Variants in OR51G1 observed in about 807,000 individuals in gnomAD.
OR51G1 encodes the protein olfactory receptor family 51 subfamily G member 1, also known as olfactory receptor 51G1.
For missense variants in OR51G1, 454 were observed against 396.0 expected, an observed-to-expected ratio of 1.15 and a Z score of -1.24; for synonymous variants, 163 against 156.9, an observed-to-expected ratio of 1.04 and a Z score of -0.29.
Position 4,923,785 on chromosome 11 carries a change from C to G in OR51G1, c.555G>C (p.Glu185Asp). ...VLAHAYCLHL[E>D]IMKLACSSII... ...TGCTAGAGCAGGCCAGCTTCATGATCTCCAGGTGAAGACAATAAGCATGAG... is the reference window on the plus strand; with the variant it reads ...TGCTAGAGCAGGCCAGCTTCATGATGTCCAGGTGAAGACAATAAGCATGAG... Residue 185 changes from glutamate to aspartate, a missense_variant, in exon 1 of 1, where the codon GAG becomes GAC. Transcript: ENST00000623849. 6.2e-7 allele frequency: 1 copy of G among 1,614,046 alleles called. No homozygotes were observed. The highest frequency in any genetic ancestry group is 8.5e-7 in the Non-Finnish European group (1 of 1,180,018).
chr11:4,924,293 A>C lies in OR51G1; in HGVS notation c.47T>G (p.Leu16Arg), dbSNP rs1374270694. 1 of 1,613,278 alleles carries C rather than the reference A, an allele frequency of 6.2e-7. No homozygotes were observed. Among genetic ancestry groups the C allele is most frequent in the African/African-American group, 1.3e-5 (1 of 74,908 alleles). Residue 16 changes from leucine (L) to arginine (R), a missense_variant, in exon 1 of 1, where the codon CTG becomes CGG. Coordinates refer to ENST00000623849, the MANE Select transcript of OR51G1 (RefSeq NM_001005237.1). ...ACCTTCTAGACCTTGGAAGCCCGTC[A>C]GGAAGAAAGTGGCTCTTTGGAGGCT... The part of the protein sequence containing the change: ...NSSLQRATFF[L>R]TGFQGLEGLH...
chr11:4,923,648 G>T lies in OR51G1; in HGVS notation c.692C>A (p.Ala231Asp). ...ALILRTVLSI[A>D]SHQERLRALN... ...GGCTCGGAGTCGCTCCTGGTGGGAG[G>T]CAATGCTGAGCACGGTGCGAAGGAT... is the stretch of plus-strand genomic sequence containing the variant. The change falls in exon 1 of 1, where the codon GCC (alanine) becomes GAC (aspartate). Residue 231 changes from alanine to aspartate, a missense_variant. By Grantham distance (126) the Ala-to-Asp change is moderately radical. Transcript: ENST00000623849. The T allele has an allele frequency of 6.2e-7, 1 of 1,614,000 alleles. No homozygotes were observed. Among genetic ancestry groups the T allele is most frequent in the South Asian group, 1.1e-5 (1 of 91,074 alleles).
At position 4,924,306 on chromosome 11, in the gene OR51G1, C is replaced by A. The variant is rs1463077892; in HGVS notation, c.34G>T (p.Ala12Ser). 2 of 1,611,928 alleles carry A rather than the reference C, an allele frequency of 1.2e-6. No homozygotes were observed. Among genetic ancestry groups the A allele is most frequent in the African/African-American group, 2.7e-5 (2 of 74,794 alleles). ...TGGAAGCCCGTCAGGAAGAAAGTGG[C>A]TCTTTGGAGGCTGCTATTAAGAAGA... Reference protein sequence around the residue: ...TILLNSSLQRATFFLTGFQGL... With the variant: ...TILLNSSLQRSTFFLTGFQGL... Residue 12 changes from alanine (A) to serine (S), a missense_variant, in exon 1 of 1, where the codon GCC becomes TCC. Transcript: ENST00000623849.
rs1851218060 is a variant in OR51G1 at position 4,923,575 on chromosome 11, G to T, written c.765C>A (p.Ile255=). The T allele has an allele frequency of 1.2e-6, 2 of 1,614,142 alleles. No individual in the cohort carries two copies. The highest frequency in any genetic ancestry group is 1.7e-5 in the Admixed American group (1 of 60,020). The change falls in exon 1 of 1, where the codon ATC becomes ATA. Residue 255 remains isoleucine (I), a synonymous_variant. Coordinates refer to ENST00000623849, the MANE Select transcript of OR51G1 (RefSeq NM_001005237.1). ...GCACAAGAGACAAGCCAATCATGGG[G>T]ATGTAGAAGAGCAGTACAGCACAGA... ...SHICAVLLFY[I]PMIGLSLVHR...
rs779307243 is a variant in OR51G1 at position 4,924,189 on chromosome 11, T to C, written c.151A>G (p.Ile51Val). The C allele has an allele frequency of 6.2e-7, 1 of 1,614,082 alleles. No individual in the cohort carries two copies. The highest frequency in any genetic ancestry group is 8.5e-7 in the Non-Finnish European group (1 of 1,180,018). ...ILGNLTILHV[I>V]CTDATLHGPM... ...CCATGGAGAGTGGCATCAGTACAAA[T>C]GACGTGGAGAATGGTGAGGTTCCCC... is the stretch of plus-strand genomic sequence containing the variant. The change falls in exon 1 of 1, where the codon ATT becomes GTT. Residue 51 changes from isoleucine (I) to valine (V), a missense_variant. Coordinates refer to ENST00000623849, the MANE Select transcript of OR51G1 (RefSeq NM_001005237.1).
rs1851230855 is a variant in OR51G1, at chr11:4,924,075, A to G, written c.265T>C (p.Phe89Leu). 1 of 1,614,184 alleles carries G rather than the reference A, an allele frequency of 6.2e-7. No individual in the cohort carries two copies. The highest frequency in any genetic ancestry group is 1.1e-5 in the South Asian group (1 of 91,076). The change falls in exon 1 of 1, where the codon TTT becomes CTT. Residue 89 changes from phenylalanine (F) to leucine (L), a missense_variant. By Grantham distance (22) the Phe-to-Leu change is conservative. Transcript: ENST00000623849. ...TLPTVLGIFW[F>L]DTREIGIPAC... ...GGGATGCCAATCTCTCTGGTATCAA[A>G]CCAGAAAATGCCCAGCACAGTGGGC...
chr11:4,923,833 T>C lies in OR51G1; in HGVS notation c.507A>G (p.Gln169=), dbSNP rs775129616. Residue 169 remains glutamine, a synonymous_variant, in exon 1 of 1, where the codon CAA becomes CAG. Coordinates refer to ENST00000623849, the MANE Select transcript of OR51G1 (RefSeq NM_001005237.1). ...GAGCCAGCACATGGGAGTGGCAGTA[T>C]TGGAAGCGCTTCAGGAGGAATGGCA... ...LPLPFLLKRF[Q]YCHSHVLAHA... 1.9e-6 allele frequency: 3 copies of C among 1,613,802 alleles called. No homozygotes were observed. The Admixed American group carries it at 5.0e-5, about 27-fold the overall frequency.
rs746111031 is a variant in OR51G1, at chr11:4,923,533, A to G, written c.807T>C (p.His269=). ...GLSLVHRFGE[H]LPRVVHLFMS... is the part of the protein sequence containing the mutation. ...TGAAGAGGTGTACAACGCGGGGCAG[A>G]TGTTCACCAAAGCGATGCACAAGAG... Residue 269 remains histidine (H), a synonymous_variant, in exon 1 of 1, where the codon CAT becomes CAC. Transcript: ENST00000623849. 1.9e-6 allele frequency: 3 copies of G among 1,614,182 alleles called. No homozygotes were observed. Among genetic ancestry groups the G allele is most frequent in the Non-Finnish European group, 1.7e-6 (2 of 1,180,024 alleles).
chr11:4,923,450 T>G lies in OR51G1; in HGVS notation c.890A>C (p.Lys297Thr). 1 of 1,611,014 alleles carries G rather than the reference T, an allele frequency of 6.2e-7. No individual in the cohort carries two copies. The highest frequency in any genetic ancestry group is 8.5e-7 in the Non-Finnish European group (1 of 1,178,064). Residue 297 changes from lysine to threonine, a missense_variant, in exon 1 of 1, where the codon AAG becomes ACG. Transcript: ENST00000623849. ...PLMNPIIYSIKTKQIRQRIIK... is the reference protein window; with the variant it reads ...PLMNPIIYSITTKQIRQRIIK... Reference sequence around the variant, plus strand: ...GATGCGCTGGCGAATTTGCTTGGTCTTGATGCTGTAGATGATGGGGTTCAT... The same window carrying G: ...GATGCGCTGGCGAATTTGCTTGGTCGTGATGCTGTAGATGATGGGGTTCAT...
In OR51G1 at chr11:4,924,181, A is replaced by G; in HGVS notation, c.159T>C (p.Thr53=). 1 of 1,614,226 alleles carries G rather than the reference A, an allele frequency of 6.2e-7. No homozygotes were observed. The highest frequency in any genetic ancestry group is 8.5e-7 in the Non-Finnish European group (1 of 1,180,036). Residue 53 remains threonine (T), a synonymous_variant, in exon 1 of 1, where the codon ACT becomes ACC. Coordinates refer to ENST00000623849, the MANE Select transcript of OR51G1 (RefSeq NM_001005237.1). ...GNLTILHVIC[T]DATLHGPMYY... ...ACATGGGTCCATGGAGAGTGGCATC[A>G]GTACAAATGACGTGGAGAATGGTGA...
chr11:4,923,710 A>G lies in OR51G1; in HGVS notation c.630T>C (p.Gly210=). The change falls in exon 1 of 1, where the codon GGT becomes GGC. Residue 210 remains glycine, a synonymous_variant. Coordinates refer to ENST00000623849, the MANE Select transcript of OR51G1 (RefSeq NM_001005237.1). ...YGLFVVACTV[G]VDSLLIFLSY... ...AGAGAAAGATGAGCAGGGAGTCCAC[A>G]CCCACGGTGCAGGCCACAACAAAGA... 1 of 1,614,048 alleles carries G rather than the reference A, an allele frequency of 6.2e-7. No homozygotes were observed. Among genetic ancestry groups the G allele is most frequent in the Non-Finnish European group, 8.5e-7 (1 of 1,180,002 alleles).
In OR51G1 at chr11:4,923,427, T is replaced by C. The variant is rs1262046095; in HGVS notation, c.913A>G (p.Ile305Val). Residue 305 changes from isoleucine to valine, a missense_variant, in exon 1 of 1, where the codon ATC becomes GTC. Coordinates refer to ENST00000623849, the MANE Select transcript of OR51G1 (RefSeq NM_001005237.1). ...TTTATAAACTGAAACTTCTTAATGA[T>C]GCGCTGGCGAATTTGCTTGGTCTTG... The part of the protein sequence containing the change: ...SIKTKQIRQR[I>V]IKKFQFIKSL... 1 of 1,595,342 alleles carries C rather than the reference T, an allele frequency of 6.3e-7. No homozygotes were observed. Among genetic ancestry groups the C allele is most frequent in the East Asian group, 2.2e-5 (1 of 44,632 alleles).
chr11:4,924,298 G>A lies in OR51G1; in HGVS notation c.42C>T (p.Phe14=). 2 of 1,613,128 alleles carry A rather than the reference G, an allele frequency of 1.2e-6. No homozygotes were observed. Among genetic ancestry groups the A allele is most frequent in the Non-Finnish European group, 1.7e-6 (2 of 1,179,646 alleles). The change falls in exon 1 of 1, where the codon TTC becomes TTT. Residue 14 remains phenylalanine (F), a synonymous_variant. Coordinates refer to ENST00000623849, the MANE Select transcript of OR51G1 (RefSeq NM_001005237.1). ...LLNSSLQRAT[F]FLTGFQGLEG... is the part of the protein sequence containing the mutation. ...CTAGACCTTGGAAGCCCGTCAGGAA[G>A]AAAGTGGCTCTTTGGAGGCTGCTAT...
Position 4,923,586 on chromosome 11 carries a change from G to A in OR51G1, c.754C>T (p.Leu252Phe). 6.2e-7 allele frequency: 1 copy of A among 1,614,124 alleles called. No homozygotes were observed. Among genetic ancestry groups the A allele is most frequent in the South Asian group, 1.1e-5 (1 of 91,082 alleles). Reference protein sequence around the residue: ...TCVSHICAVLLFYIPMIGLSL... With the variant: ...TCVSHICAVLFFYIPMIGLSL... ...AAGCCAATCATGGGGATGTAGAAGA[G>A]CAGTACAGCACAGATATGAGAGACA... Residue 252 changes from leucine (L) to phenylalanine (F), a missense_variant, in exon 1 of 1, where the codon CTC becomes TTC. Physicochemically the swap from Leu to Phe is conservative, Grantham distance 22. Transcript: ENST00000623849.
Position 4,923,853 on chromosome 11 carries a change from A to T in OR51G1, c.487T>A (p.Phe163Ile), listed in dbSNP as rs754318390. ...RSALLILPLP[F>I]LLKRFQYCHS... Reference sequence around the variant, plus strand: ...CAGTATTGGAAGCGCTTCAGGAGGAATGGCAAGGGGAGGATGAGGAGAGCA... The same window carrying T: ...CAGTATTGGAAGCGCTTCAGGAGGATTGGCAAGGGGAGGATGAGGAGAGCA... Residue 163 changes from phenylalanine (F) to isoleucine (I), a missense_variant, in exon 1 of 1, where the codon TTC becomes ATC. Physicochemically the swap from Phe to Ile is conservative, Grantham distance 21 (BLOSUM62 0). Coordinates refer to ENST00000623849, the MANE Select transcript of OR51G1 (RefSeq NM_001005237.1). 3 of 1,614,012 alleles carry T rather than the reference A, an allele frequency of 1.9e-6. No homozygotes were observed. Among genetic ancestry groups the T allele is most frequent in the South Asian group, 2.2e-5 (2 of 91,070 alleles).
At position 4,924,309 on chromosome 11, in the gene OR51G1, T is replaced by C. The variant is rs61732340; in HGVS notation, c.31A>G (p.Arg11Gly). ...AAGCCCGTCAGGAAGAAAGTGGCTC[T>C]TTGGAGGCTGCTATTAAGAAGAATT... MTILLNSSLQ[R>G]ATFFLTGFQG... Residue 11 changes from arginine (R) to glycine (G), a missense_variant, in exon 1 of 1, where the codon AGA (arginine) becomes GGA (glycine). Transcript: ENST00000623849. 2.9e-3 allele frequency: 4,707 copies of C among 1,611,630 alleles called. 81 individuals carry two copies. In the African/African-American group the frequency reaches 0.043, roughly 15 times the overall value.
Position 4,923,950 on chromosome 11 carries a change from G to A in OR51G1, c.390C>T (p.Asn130=). The change falls in exon 1 of 1, where the codon AAC becomes AAT. Residue 130 remains asparagine, a synonymous_variant. Coordinates refer to ENST00000623849, the MANE Select transcript of OR51G1 (RefSeq NM_001005237.1). ...TCAGGACGGTGGAGTCATGCAGTGGGTTGCAGACGGCCACGTAGCGGTCAA... is the reference window on the plus strand; with the variant it reads ...TCAGGACGGTGGAGTCATGCAGTGGATTGCAGACGGCCACGTAGCGGTCAA... ...MSIDRYVAVC[N]PLHDSTVLTP... 1 of 1,614,140 alleles carries A rather than the reference G, an allele frequency of 6.2e-7. No homozygotes were observed. The highest frequency in any genetic ancestry group is 8.5e-7 in the Non-Finnish European group (1 of 1,180,030).
At position 4,923,730 on chromosome 11, in the gene OR51G1, C is replaced by T; in HGVS notation, c.610G>A (p.Val204Ile). The T allele has an allele frequency of 6.2e-7, 1 of 1,614,020 alleles. No homozygotes were observed. The highest frequency in any genetic ancestry group is 8.5e-7 in the Non-Finnish European group (1 of 1,179,998). The change falls in exon 1 of 1, where the codon GTT (valine) becomes ATT (isoleucine). Residue 204 changes from valine (V) to isoleucine (I), a missense_variant. Coordinates refer to ENST00000623849, the MANE Select transcript of OR51G1 (RefSeq NM_001005237.1). ...TCCACACCCACGGTGCAGGCCACAA[C>T]AAAGAGCCCATAGATGTGATTGACA... ...IIVNHIYGLF[V>I]VACTVGVDSL...
At position 4,923,759 on chromosome 11, in the gene OR51G1, A is replaced by G. The variant is rs755308386; in HGVS notation, c.581T>C (p.Ile194Thr). 10 of 1,613,872 alleles carry G rather than the reference A, an allele frequency of 6.2e-6. No individual in the cohort carries two copies. Among genetic ancestry groups the G allele is most frequent in the Admixed American group, 1.7e-5 (1 of 59,988 alleles). ...LEIMKLACSSIIVNHIYGLFV... is the reference protein window; with the variant it reads ...LEIMKLACSSTIVNHIYGLFV... ...GAGCCCATAGATGTGATTGACAATG[A>G]TGCTAGAGCAGGCCAGCTTCATGAT... The change falls in exon 1 of 1, where the codon ATC (isoleucine) becomes ACC (threonine). Residue 194 changes from isoleucine (I) to threonine (T), a missense_variant. Ile to Thr is a moderately conservative substitution (Grantham distance 89, BLOSUM62 -1). Coordinates refer to ENST00000623849, the MANE Select transcript of OR51G1 (RefSeq NM_001005237.1).
Sources: gnomAD v4.1 joint callset for allele counts on GRCh38, gnomAD v4.1.1 for gene constraint, MANE v1.5 for transcripts, NCBI Gene and HGNC (gene_info 2026-07-23, HGNC 2026-07-21) for gene names.